MSRB3: variants seen among roughly 807,000 people sequenced by gnomAD.
MSRB3 encodes the protein methionine sulfoxide reductase B3, also known as methionine-R-sulfoxide reductase B3.
MSRB3 carries 13 observed loss-of-function variants against 21.0 expected under a neutral mutation model. The observed-to-expected ratio is 0.62, with a 90% CI of 0.40 to 0.98. MSRB3 has a LOEUF of 0.98. MSRB3 is among the 50% of genes least tolerant of loss of function. MSRB3 has a pLI of 0.00. For synonymous variants in MSRB3, 87 were observed against 88.6 expected (o/e 0.98, Z 0.10); for missense variants, 199 against 230.3 (o/e 0.86, Z 0.88).
At chr12:65,331,819 G>A (rs1390284561) in intron 4 of MSRB3, among the ~76,000 whole-genome samples, 3 of 152,230 alleles carry the variant, frequency 2.0e-5, no homozygotes, top group East Asian at 3.9e-4. Context: ...ATGGGTGCAG[G>A]AGAGTCCAGT....
intron 2 of MSRB3, among the ~76,000 whole-genome samples, 153 bp from the exon 3 acceptor site, chr12:65,326,673 C>G (rs891194470): frequency 6.6e-6 from 1 of 152,178 alleles, no homozygotes; most frequent in African/African-American, 2.4e-5. Flanking sequence ...GAGAAATAAT[C>G]AGCTGCAGTT....
In MSRB3 at chr12:65,306,550, A is replaced by C. The variant is rs189441651; in HGVS notation, c.-51-1979A>C. 2.6e-5 allele frequency among the ~76,000 whole-genome samples: 4 copies of C among 152,354 alleles called. No individual in the cohort carries two copies. The East Asian group carries it at 7.7e-4, about 29-fold the overall frequency. Reference sequence around the variant, plus strand: ...CCTAACCTATGAAACACATTCTTTTAGGATTAGAAAATGGAGAACAGTGTG... The same window carrying C: ...CCTAACCTATGAAACACATTCTTTTCGGATTAGAAAATGGAGAACAGTGTG... On this transcript the variant is annotated intron_variant, in intron 1 of 6. Coordinates refer to ENST00000308259, the MANE Select transcript of MSRB3 (RefSeq NM_001031679.3).
At chr12:65,307,411 T>C (rs1398517261) in intron 1 of MSRB3, among the ~76,000 whole-genome samples, 5 of 152,212 alleles carry the variant, frequency 3.3e-5, no homozygotes, top group Non-Finnish European at 7.3e-5. Flanking sequence ...CTGTTTATTA[T>C]ATGTTTGTTC....
intron 2 of MSRB3, among the ~76,000 whole-genome samples, chr12:65,321,367 G>A (rs1169008173): frequency 2.0e-5 from 3 of 152,244 alleles, no homozygotes; most frequent in Admixed American, 2.0e-4. Context: ...CTGACACTTT[G>A]TAAACACTCA....
At chr12:65,459,395 A>C (rs1348536394) in intron 6 of MSRB3, among the ~76,000 whole-genome samples, 1 of 152,208 alleles carries the variant, frequency 6.6e-6, no homozygotes, top group African/African-American at 2.4e-5. Flanking sequence ...ATGTGTTACA[A>C]TAGGGCTTCA....
At chr12:65,380,605 T>C (rs1225122169) in intron 5 of MSRB3, among the ~76,000 whole-genome samples, 3 of 152,136 alleles carry the variant, frequency 2.0e-5, no homozygotes, top group African/African-American at 7.2e-5. Flanking sequence ...CTTAACTCTG[T>C]GGCCAATAAT....
intron 2 of MSRB3, among the ~76,000 whole-genome samples, chr12:65,326,105 T>C (rs190926941): frequency 1.3e-5 from 2 of 152,338 alleles, no homozygotes; most frequent in Admixed American, 6.5e-5. Flanking sequence ...TCCCTTTCTG[T>C]TTTTCCCACT....
chr12:65,416,967 A>G (rs1173188924), intron 5 of MSRB3, among the ~76,000 whole-genome samples: 1 of 152,116 alleles, frequency 6.6e-6, no homozygotes, highest in Non-Finnish European at 1.5e-5. Context: ...TATATGATCC[A>G]TTTTATCCCC....
intron 5 of MSRB3, among the ~76,000 whole-genome samples, chr12:65,422,742 T>G (rs1415554841): frequency 6.6e-6 from 1 of 151,834 alleles, no homozygotes; most frequent in Admixed American, 6.6e-5. Flanking sequence ...ATCAATGTTT[T>G]ATAGTTTTCA....
At chr12:65,423,765 C>G (rs2136649364) in intron 5 of MSRB3, among the ~76,000 whole-genome samples, 1 of 152,208 alleles carries the variant, frequency 6.6e-6, no homozygotes, top group East Asian at 1.9e-4. Flanking sequence ...ATTTGTATAT[C>G]TATATTCATC....
At chr12:65,411,773 AAT>A (rs755519318) in intron 5 of MSRB3, among the ~76,000 whole-genome samples, 4 of 148,936 alleles carry the variant, frequency 2.7e-5, no homozygotes, top group Non-Finnish European at 4.5e-5. Flanking sequence ...ACTAAAATAT[AAT>A]ATGTGTAATA....
chr12:65,450,671 A>G (rs987469469), intron 5 of MSRB3, among the ~76,000 whole-genome samples: 1 of 152,208 alleles, frequency 6.6e-6, no homozygotes, highest in Non-Finnish European at 1.5e-5. Context: ...TCTTTCTTTA[A>G]TGTCAAAACT....
At chr12:65,314,610 C>CTGTA (rs920257307) in intron 2 of MSRB3, among the ~76,000 whole-genome samples, 1 of 151,964 alleles carries the variant, frequency 6.6e-6, no homozygotes, top group Non-Finnish European at 1.5e-5. Context: ...AACAATAAGA[C>CTGTA]TGTATGAATA....
chr12:65,296,837 C>T (rs1872996750), intron 1 of MSRB3, among the ~76,000 whole-genome samples: 1 of 152,060 alleles, frequency 6.6e-6, no homozygotes, highest in South Asian at 2.1e-4. Context: ...AATAGAGATC[C>T]TGAAGTAGGA....
chr12:65,307,327 G>A (rs561093169), intron 1 of MSRB3, among the ~76,000 whole-genome samples: 1 of 152,232 alleles, frequency 6.6e-6, no homozygotes, highest in South Asian at 2.1e-4. Flanking sequence ...GTTTGGGGAA[G>A]TCAGAGTTCA....
intron 4 of MSRB3, among the ~76,000 whole-genome samples, chr12:65,360,274 T>C (rs956897326): frequency 1.3e-5 from 2 of 152,118 alleles, no homozygotes; most frequent in Admixed American, 1.3e-4. Context: ...AACATGAAGG[T>C]ATACTCTGTT....
intron 2 of MSRB3, among the ~76,000 whole-genome samples, chr12:65,325,141 ATTAT>A (rs1874931743): frequency 6.6e-6 from 1 of 152,212 alleles, no homozygotes; most frequent in Non-Finnish European, 1.5e-5. Flanking sequence ...CTGTTGACTG[ATTAT>A]TTAAGAAAGA....
intron 5 of MSRB3, among the ~76,000 whole-genome samples, chr12:65,398,158 G>T (rs541438938): frequency 2.2e-4 from 34 of 152,198 alleles, no homozygotes; most frequent in Non-Finnish European, 4.0e-4. Flanking sequence ...GGTATTTCTG[G>T]TTCTAGATCC....
intron 5 of MSRB3, among the ~76,000 whole-genome samples, chr12:65,375,591 C>T (rs1351766533): frequency 6.6e-6 from 1 of 151,870 alleles, no homozygotes; most frequent in Non-Finnish European, 1.5e-5. Context: ...TGCACACCAC[C>T]ATGCCGGGCC....
Sources: gnomAD v4.1 joint callset for allele counts (sites outside exome capture counted in the v4.1 genomes callset) on GRCh38, gnomAD v4.1.1 for gene constraint, MANE v1.5 for transcripts, NCBI Gene and HGNC (gene_info 2026-07-23, HGNC 2026-07-21) for gene names.